The following DIAPH3 variants were observed in gnomAD, a reference collection of about 807,000 sequenced individuals.
DIAPH3 encodes the protein diaphanous related formin 3, also known as protein diaphanous homolog 3.
Under a neutral mutation model 144.3 loss-of-function variants are expected in DIAPH3, and 117 were observed. That is an observed-to-expected ratio of 0.81 (90% confidence interval 0.70 to 0.95). The LOEUF (loss-of-function observed/expected upper bound fraction) is 0.95, where lower values mean the gene tolerates loss of function less well. Ranked by LOEUF, DIAPH3 falls within the 40% of genes least tolerant of loss-of-function variation. The pLI is 0.00. For missense variants in DIAPH3, 1,421 were observed against 1,412.7 expected (o/e 1.01, Z -0.09); for synonymous variants, 519 against 488.9 (o/e 1.06, Z -0.81).
intron 22 of DIAPH3, among the ~76,000 whole-genome samples, chr13:59,854,127 A>C (rs1302985560): frequency 6.6e-6 from 1 of 152,102 alleles, no homozygotes; most frequent in Non-Finnish European, 1.5e-5. Context: ...CATGGAGAAG[A>C]TGGTGAGAAG....
intron 24 of DIAPH3, among the ~76,000 whole-genome samples, chr13:59,822,609 T>G (rs183407046): frequency 6.6e-6 from 1 of 151,758 alleles, no homozygotes; most frequent in East Asian, 1.9e-4. Flanking sequence ...CCTGGCTAAT[T>G]TTTTTTTGTA....
At chr13:59,675,470 C>T (rs888024951) in intron 27 of DIAPH3, among the ~76,000 whole-genome samples, 19 of 151,026 alleles carry the variant, frequency 1.3e-4, no homozygotes, top group African/African-American at 3.9e-4. Context: ...CTGCAAGCTT[C>T]GCCTCCCGGG....
chr13:59,730,382 TA>T (rs1397525092), intron 27 of DIAPH3, among the ~76,000 whole-genome samples: 2 of 152,106 alleles, frequency 1.3e-5, no homozygotes, highest in African/African-American at 4.8e-5. Context: ...TGAAAAATTA[TA>T]AAGGAAAAGT....
At chr13:59,950,587 G>A (rs565164554) in intron 17 of DIAPH3, among the ~76,000 whole-genome samples, 5 of 152,108 alleles carry the variant, frequency 3.3e-5, no homozygotes, top group Non-Finnish European at 7.4e-5. Context: ...CAAAACCTAT[G>A]CCAATCTGAG....
chr13:60,105,095 A>T (rs1310319112), intron 3 of DIAPH3, among the ~76,000 whole-genome samples: 1 of 127,586 alleles, frequency 7.8e-6, no homozygotes, highest in Non-Finnish European at 1.7e-5. Flanking sequence ...GTGAGACACG[A>T]TCTCAAAAAA....
At chr13:60,142,056 CAAA>C (rs762850126) in intron 1 of DIAPH3, among the ~76,000 whole-genome samples, 5 of 152,288 alleles carry the variant, frequency 3.3e-5, no homozygotes, top group Admixed American at 6.5e-5. Flanking sequence ...TCCAACAGGA[CAAA>C]ATGAAGTCAG....
intron 1 of DIAPH3, among the ~76,000 whole-genome samples, chr13:60,160,736 ACCATCTCAATG>A (rs1321840458): frequency 1.3e-5 from 2 of 152,132 alleles, no homozygotes; most frequent in African/African-American, 2.4e-5. Flanking sequence ...AGCTATCCCT[ACCATCTCAATG>A]CTCACGGCTT....
chr13:59,785,035 A>C (rs993684934), intron 25 of DIAPH3, among the ~76,000 whole-genome samples: 4 of 152,186 alleles, frequency 2.6e-5, no homozygotes, highest in African/African-American at 9.7e-5. Flanking sequence ...GACAGGAATA[A>C]CTTCAAACAA....
chr13:60,048,900 T>G (rs1163627834), intron 4 of DIAPH3, among the ~76,000 whole-genome samples: 1 of 151,132 alleles, frequency 6.6e-6, no homozygotes, highest in Non-Finnish European at 1.5e-5. Context: ...TTGTTTCTTT[T>G]AAGTTAAATA....
At chr13:60,012,275 C>T (rs2053320122) in intron 7 of DIAPH3, among the ~76,000 whole-genome samples, 1 of 152,032 alleles carries the variant, frequency 6.6e-6, no homozygotes, top group Admixed American at 6.6e-5. Flanking sequence ...AACACAGGAA[C>T]AATGGAGAAA....
chr13:59,892,203 A>C (rs1401447640), intron 20 of DIAPH3, among the ~76,000 whole-genome samples: 2 of 152,046 alleles, frequency 1.3e-5, no homozygotes, highest in East Asian at 3.9e-4. Flanking sequence ...GATGGGGGGC[A>C]GCATCATTAT....
At chr13:59,838,363 A>C (rs1171181463) in intron 23 of DIAPH3, 2 of 152,102 alleles carry the variant, frequency 1.3e-5, no homozygotes, top group African/African-American at 4.8e-5. Context: ...AGAAACCTTA[A>C]ACAGGACACA....
intron 25 of DIAPH3, among the ~76,000 whole-genome samples, chr13:59,785,759 G>A (rs1162141507): frequency 6.6e-6 from 1 of 152,132 alleles, no homozygotes; most frequent in Non-Finnish European, 1.5e-5. Context: ...AGCTAAGCTA[G>A]AAGTGGCCGT....
At chr13:60,149,090 G>C (rs1267356142) in intron 1 of DIAPH3, among the ~76,000 whole-genome samples, 1 of 152,208 alleles carries the variant, frequency 6.6e-6, no homozygotes, top group Admixed American at 6.5e-5. Context: ...GTTGAGGAAA[G>C]GGGTTGTTTG....
intron 27 of DIAPH3, among the ~76,000 whole-genome samples, chr13:59,770,913 T>A (rs764325007): frequency 3.3e-5 from 5 of 152,172 alleles, no homozygotes; most frequent in Non-Finnish European, 7.4e-5. Flanking sequence ...ACATACTTCA[T>A]TTCTGCCTGT....
chr13:59,703,603 T>G (rs553189113), intron 27 of DIAPH3, among the ~76,000 whole-genome samples: 2 of 152,306 alleles, frequency 1.3e-5, no homozygotes, highest in South Asian at 4.1e-4. Context: ...TAGATTCTTT[T>G]GATAGATTCT....
Position 59,938,238 on chromosome 13 carries a change from A to T in DIAPH3, c.2075-13368T>A, listed in dbSNP as rs190411724. Among the ~76,000 whole-genome samples the T allele has an allele frequency of 2.0e-3, 297 of 152,194 alleles. 2 individuals carry two copies. The highest frequency in any genetic ancestry group is 6.8e-3 in the African/African-American group (284 of 41,530). On this transcript the variant is annotated intron_variant, in intron 17 of 27. Coordinates refer to ENST00000400324, the MANE Select transcript of DIAPH3 (RefSeq NM_001042517.2). ...TCTCCTGAATTTGGAATTTTTATTAATCTGGGCTGTTAAAATTTGTAGTTC... is the reference window on the plus strand; with the variant it reads ...TCTCCTGAATTTGGAATTTTTATTATTCTGGGCTGTTAAAATTTGTAGTTC...
chr13:59,963,548 C>A (rs964889925), intron 17 of DIAPH3, among the ~76,000 whole-genome samples: 1 of 151,500 alleles, frequency 6.6e-6, no homozygotes, highest in African/African-American at 2.4e-5. Context: ...ACCCTATTCT[C>A]TTCCTGTGTT....
At chr13:59,742,941 TAA>T (rs146190020) in intron 27 of DIAPH3, among the ~76,000 whole-genome samples, 1,756 of 152,248 alleles carry the variant, frequency 0.012, 50 homozygotes, top group African/African-American at 0.04. Flanking sequence ...GAATGTGAAA[TAA>T]AGAGGCAACA....
Sources: gnomAD v4.1 joint callset for allele counts (sites outside exome capture counted in the v4.1 genomes callset) on GRCh38, gnomAD v4.1.1 for gene constraint, MANE v1.5 for transcripts, NCBI Gene and HGNC (gene_info 2026-07-23, HGNC 2026-07-21) for gene names.